Variants in ARB2A observed in about 807,000 individuals in gnomAD.
ARB2A encodes ARB2 cotranscriptional regulator A.
chr5:94,064,641 T>C, the ARB2A span, among the ~76,000 whole-genome samples: 3 of 152,186 alleles, frequency 2.0e-5, no homozygotes, highest in African/African-American at 4.8e-5. Context: ...TAATAGCACA[T>C]TGCTCAACAG....
At chr5:93,755,146 C>A in the ARB2A span, among the ~76,000 whole-genome samples, 1 of 152,072 alleles carries the variant, frequency 6.6e-6, no homozygotes, top group Non-Finnish European at 1.5e-5. Context: ...CTGATGAACT[C>A]AAAATGTCCC....
At chr5:93,760,835 G>A in the ARB2A span, among the ~76,000 whole-genome samples, 2 of 152,156 alleles carry the variant, frequency 1.3e-5, no homozygotes, top group Admixed American at 6.5e-5. Flanking sequence ...TCTAGACACT[G>A]ACTTAGACAA....
the ARB2A span, among the ~76,000 whole-genome samples, chr5:93,768,318 A>C: frequency 2.0e-5 from 3 of 151,732 alleles, no homozygotes; most frequent in African/African-American, 7.3e-5. Context: ...CATGTAACCA[A>C]ATACTACCTG....
chr5:93,870,052 A>G, the ARB2A span, among the ~76,000 whole-genome samples: 3 of 152,248 alleles, frequency 2.0e-5, no homozygotes, highest in Non-Finnish European at 1.5e-5. Context: ...CACCCATTCT[A>G]GAGAAAAAAC....
chr5:93,939,622 T>G, the ARB2A span, among the ~76,000 whole-genome samples: 1 of 152,102 alleles, frequency 6.6e-6, no homozygotes, highest in African/African-American at 2.4e-5. Flanking sequence ...AAAATAAGTT[T>G]CTTCTGGAGA....
the ARB2A span, among the ~76,000 whole-genome samples, chr5:94,063,894 G>A: frequency 2.6e-5 from 4 of 151,968 alleles, no homozygotes; most frequent in Non-Finnish European, 5.9e-5. Context: ...TGGAAGAGTT[G>A]ATTCTCACAC....
chr5:93,799,862 A>C, the ARB2A span, among the ~76,000 whole-genome samples: 3 of 152,106 alleles, frequency 2.0e-5, no homozygotes, highest in Non-Finnish European at 4.4e-5. Context: ...TGTTATATAG[A>C]AATAATTAGA....
the ARB2A span, among the ~76,000 whole-genome samples, chr5:93,830,136 C>T: frequency 2.0e-5 from 3 of 151,622 alleles, no homozygotes; most frequent in South Asian, 4.2e-4. Context: ...CTAGTTATAG[C>T]TCACAATGCA....
At chr5:93,642,710 A>G in the ARB2A span, among the ~76,000 whole-genome samples, 1 of 151,920 alleles carries the variant, frequency 6.6e-6, no homozygotes, top group Non-Finnish European at 1.5e-5. Context: ...TTGTAGAGAC[A>G]AGGTCTTGCT....
the ARB2A span, among the ~76,000 whole-genome samples, chr5:94,084,238 C>T: frequency 5.1e-5 from 7 of 137,956 alleles, no homozygotes; most frequent in Middle Eastern, 8.1e-3. Flanking sequence ...TGCACTACTG[C>T]GCTCCAATCT....
chr5:93,858,528 T>A, the ARB2A span, among the ~76,000 whole-genome samples: 5 of 152,194 alleles, frequency 3.3e-5, no homozygotes, highest in African/African-American at 9.7e-5. Flanking sequence ...GGAGACCACT[T>A]ATATTCCTCC....
chr5:94,050,210 G>A, the ARB2A span, among the ~76,000 whole-genome samples: 1 of 150,896 alleles, frequency 6.6e-6, no homozygotes, highest in African/African-American at 2.4e-5. Context: ...AAAGTGTTGG[G>A]ATTATAGGTG....
chr5:93,901,132 A>G, the ARB2A span, among the ~76,000 whole-genome samples: 2 of 152,178 alleles, frequency 1.3e-5, no homozygotes, highest in African/African-American at 4.8e-5. Context: ...CTGCTAGCCA[A>G]CCTTTTAGAA....
the ARB2A span, among the ~76,000 whole-genome samples, chr5:93,947,380 C>T: frequency 3.3e-5 from 5 of 152,024 alleles, no homozygotes; most frequent in Non-Finnish European, 7.4e-5. Context: ...TGTTTATTTA[C>T]CCTACCTGGT....
At chr5:94,059,177 A>AG in the ARB2A span, among the ~76,000 whole-genome samples, 3 of 148,482 alleles carry the variant, frequency 2.0e-5, no homozygotes, top group African/African-American at 5.0e-5. Context: ...CTGAGAACTG[A>AG]GGGAAAAAAA....
chr5:93,867,250 A>G, the ARB2A span, among the ~76,000 whole-genome samples: 1 of 152,196 alleles, frequency 6.6e-6, no homozygotes, highest in Admixed American at 6.5e-5. Flanking sequence ...TTCTAAAGGA[A>G]AAATAGTGAC....
chr5:94,107,167 T>G, the ARB2A span, among the ~76,000 whole-genome samples: 5 of 152,332 alleles, frequency 3.3e-5, no homozygotes, highest in Admixed American at 2.0e-4. Flanking sequence ...TTTGCTTTGA[T>G]GGTCTTCACA....
the ARB2A span, among the ~76,000 whole-genome samples, chr5:93,765,488 G>C: frequency 6.6e-6 from 1 of 152,168 alleles, no homozygotes; most frequent in Non-Finnish European, 1.5e-5. Flanking sequence ...CAACTTGCAA[G>C]GGACGTGAAG....
the ARB2A span, among the ~76,000 whole-genome samples, chr5:94,107,921 T>A: frequency 3.3e-5 from 5 of 152,206 alleles, no homozygotes. Context: ...CTCCATCCCA[T>A]GCCAATCTGT....
Sources: allele counts gnomAD v4.1 joint callset (sites outside exome capture counted in the v4.1 genomes callset), GRCh38; gene constraint gnomAD v4.1.1; transcripts MANE v1.5; gene names NCBI Gene and HGNC (gene_info 2026-07-23, HGNC 2026-07-21).